The following IFT74 variants were observed in gnomAD, a reference collection of about 807,000 sequenced individuals.
The protein encoded by IFT74 is intraflagellar transport 74.
Under a neutral mutation model 96.7 loss-of-function variants are expected in IFT74, and 92 were observed. The observed-to-expected ratio is 0.95, with a 90% CI of 0.80 to 1.13. IFT74 has a LOEUF of 1.13. IFT74 is among the 50% of genes most tolerant of loss of function. IFT74 has a pLI of 0.00. For missense variants in IFT74, 811 were observed against 698.2 expected, an observed-to-expected ratio of 1.16 and a Z score of -1.82; for synonymous variants, 223 against 213.2, an observed-to-expected ratio of 1.05 and a Z score of -0.40.
chr9:27,059,216 A>G (rs1820303442), intron 18 of IFT74, among the ~76,000 whole-genome samples: 1 of 152,202 alleles, frequency 6.6e-6, no homozygotes, highest in South Asian at 2.1e-4. Flanking sequence ...ATCTTTTGTG[A>G]ATCCCAACTG....
At chr9:26,981,125 C>A (rs1470295745) in intron 4 of IFT74, among the ~76,000 whole-genome samples, 1 of 152,174 alleles carries the variant, frequency 6.6e-6, no homozygotes, top group Non-Finnish European at 1.5e-5. Context: ...TCCATGAGGG[C>A]AGAGTCGTCA....
chr9:26,965,888 A>T (rs915081171), intron 2 of IFT74, among the ~76,000 whole-genome samples: 1 of 151,920 alleles, frequency 6.6e-6, no homozygotes, highest in African/African-American at 2.4e-5. Context: ...GCGGTATTTG[A>T]CTTTCTCTTT....
intron 11 of IFT74, among the ~76,000 whole-genome samples, chr9:27,017,490 G>T (rs1829405305): frequency 6.6e-6 from 1 of 152,124 alleles, no homozygotes; most frequent in Admixed American, 6.5e-5. Flanking sequence ...TCCAAGTGTT[G>T]GGACTATAGG....
At chr9:26,983,366 G>A (rs1827471895) in intron 4 of IFT74, among the ~76,000 whole-genome samples, 1 of 152,214 alleles carries the variant, frequency 6.6e-6, no homozygotes, top group African/African-American at 2.4e-5. Flanking sequence ...AGCTATTTGT[G>A]TAATTGTCTG....
chr9:26,999,736 A>G (rs755826012), intron 8 of IFT74: 26 of 1,260,724 alleles, frequency 2.1e-5, no homozygotes, highest in Middle Eastern at 2.5e-4. Flanking sequence ...CATTAAGGAC[A>G]TTTTTATTTT....
At chr9:27,042,374 C>T (rs780347498) in intron 13 of IFT74, among the ~76,000 whole-genome samples, 9 of 151,968 alleles carry the variant, frequency 5.9e-5, no homozygotes, top group African/African-American at 9.7e-5. Flanking sequence ...GAGTAAGAAA[C>T]GCCAGAGAAG....
intron 12 of IFT74, among the ~76,000 whole-genome samples, chr9:27,027,679 A>G (rs964477304): frequency 6.6e-6 from 1 of 152,136 alleles, no homozygotes; most frequent in Non-Finnish European, 1.5e-5. Context: ...CTGAGTTGTA[A>G]CATTTCCTTA....
intron 16 of IFT74, among the ~76,000 whole-genome samples, chr9:27,052,823 C>T (rs1190196198): frequency 1.3e-5 from 2 of 152,080 alleles, no homozygotes; most frequent in Non-Finnish European, 2.9e-5. Flanking sequence ...TATTCTTGTT[C>T]GCCTTTCAGA....
chr9:27,006,654 G>A (rs1828795252), intron 8 of IFT74, among the ~76,000 whole-genome samples: 2 of 147,380 alleles, frequency 1.4e-5, no homozygotes, highest in African/African-American at 5.0e-5. Flanking sequence ...GAAGAGAGAG[G>A]AGGGGGAGGG....
chr9:26,997,629 T>A, intron 8 of IFT74: 1 of 1,315,684 alleles, frequency 7.6e-7, no homozygotes, highest in Non-Finnish European at 1.0e-6. Context: ...CCACTGCGCC[T>A]GGCTGCTTCC....
chr9:27,001,640 T>C (rs902323597), intron 8 of IFT74, among the ~76,000 whole-genome samples: 1 of 152,210 alleles, frequency 6.6e-6, no homozygotes, highest in Non-Finnish European at 1.5e-5. Flanking sequence ...TTTTGCCATG[T>C]TTACTTGGAT....
At chr9:27,057,813 G>A (rs748583501) in intron 18 of IFT74, among the ~76,000 whole-genome samples, 15 of 151,878 alleles carry the variant, frequency 9.9e-5, no homozygotes, top group East Asian at 1.9e-4. Flanking sequence ...AGCTGAGATC[G>A]CGCCACTGCA....
chr9:26,956,684 G>A (rs958897072), intron 1 of IFT74, among the ~76,000 whole-genome samples, 168 bp downstream of exon 1: 3 of 152,224 alleles, frequency 2.0e-5, no homozygotes, highest in Non-Finnish European at 4.4e-5. Context: ...GTCGAGCGAA[G>A]GTTGCGAACA....
chr9:26,976,838 A>G, intron 2 of IFT74: 1 of 453,630 alleles, frequency 2.2e-6, no homozygotes, highest in Non-Finnish European at 4.4e-6. Flanking sequence ...CTGAGGTCGT[A>G]TAGTGTTATG....
At position 27,047,298 on chromosome 9, in the gene IFT74, C is replaced by G; in HGVS notation, c.1133C>G (p.Thr378Arg). The G allele has an allele frequency of 6.2e-7, 1 of 1,612,432 alleles. No homozygotes were observed. The highest frequency in any genetic ancestry group is 8.5e-7 in the Non-Finnish European group (1 of 1,178,804). The change falls in exon 15 of 20, where the codon ACA (threonine) becomes AGA (arginine). Residue 378 changes from threonine (T) to arginine (R), a missense_variant. By Grantham distance (71) the Thr-to-Arg change is moderately conservative (BLOSUM62 -1). Coordinates refer to ENST00000380062, the MANE Select transcript of IFT74 (RefSeq NM_025103.4). ...GCTTTTATTGAGACTTTTGAGGAAA[C>G]AAAGAATCAGGAACTGAAACGAAAG... ...MDTFIETFEE[T>R]KNQELKRKAQ...
At chr9:27,037,213 C>T (rs1372436063) in intron 13 of IFT74, among the ~76,000 whole-genome samples, 1 of 115,354 alleles carries the variant, frequency 8.7e-6, no homozygotes, top group African/African-American at 3.4e-5. Flanking sequence ...AGAGTGAAAT[C>T]CCATCTCAAA....
chr9:26,984,156 A>G (rs1437284312), intron 4 of IFT74, 101 bp from the exon 5 acceptor site: 7 of 885,918 alleles, frequency 7.9e-6, no homozygotes, highest in South Asian at 1.7e-5. Context: ...TCACAAAACT[A>G]TTTATATTAT....
chr9:27,052,847 G>A (rs1208947573), intron 16 of IFT74, among the ~76,000 whole-genome samples: 1 of 151,960 alleles, frequency 6.6e-6, no homozygotes, highest in Non-Finnish European at 1.5e-5. Context: ...AATGGATTTA[G>A]TGTACTCCAT....
intron 13 of IFT74, among the ~76,000 whole-genome samples, chr9:27,039,675 T>C (rs1370785770): frequency 2.0e-5 from 3 of 152,198 alleles, no homozygotes; most frequent in African/African-American, 7.2e-5. Context: ...GTAACAACCA[T>C]TTACAATATA....
Sources: allele counts gnomAD v4.1 joint callset (sites outside exome capture counted in the v4.1 genomes callset), GRCh38; gene constraint gnomAD v4.1.1; transcripts MANE v1.5; gene names NCBI Gene and HGNC (gene_info 2026-07-23, HGNC 2026-07-21).